HHIPL1: variants seen among roughly 807,000 people sequenced by gnomAD.
HHIPL1 encodes HHIP like 1, also known as HHIP-like protein 1.
In HHIPL1, 43 loss-of-function variants were observed where a neutral mutation model predicts 61.8. The observed-to-expected ratio is 0.70, with a 90% confidence interval of 0.55 to 0.90. HHIPL1 has a LOEUF of 0.90. HHIPL1 is among the 40% of genes least tolerant of loss of function. The pLI is 0.00. For synonymous variants in HHIPL1, 482 were observed against 515.8 expected, an observed-to-expected ratio of 0.93 and a Z score of 0.89; for missense variants, 1,056 against 1,157.7, an observed-to-expected ratio of 0.91 and a Z score of 1.28.
In HHIPL1 at chr14:99,678,435, C is replaced by T. The variant is rs759233163; in HGVS notation, c.*2809C>T. On this transcript the variant is annotated 3_prime_UTR_variant, in exon 9 of 9. Transcript: ENST00000330710. ...TACTTTCTGCAGAAAGGGTGCTCAT[C>T]GCAGATGGAACAATAGTGAGAGGAC... 4.6e-5 allele frequency: 7 copies of T among 152,198 alleles called. No homozygotes were observed. Among genetic ancestry groups the T allele is most frequent in the Non-Finnish European group, 7.3e-5 (5 of 68,042 alleles). The allele number at this position is 152,198 out of a possible 1,614,324, so 9.4% of individuals were successfully genotyped here. A position where few individuals can be genotyped will look rare whatever the true frequency, so the allele number is the denominator to read the frequency against.
chr14:99,657,403 G>T (rs1292134426), intron 3 of HHIPL1, among the ~76,000 whole-genome samples: 1 of 152,186 alleles, frequency 6.6e-6, no homozygotes, highest in African/African-American at 2.4e-5. Flanking sequence ...CCTGGCACAG[G>T]ACCCTCTGGG....
chr14:99,626,267 G>GGTGTGTGTGTGTGT, the HHIPL1 span, among the ~76,000 whole-genome samples: 4 of 147,490 alleles, frequency 2.7e-5, no homozygotes, highest in African/African-American at 1.0e-4. Flanking sequence ...GGTGTAGCGG[G>GGTGTGTGTGTGTGT]GTGTGTGTGT....
rs193045712 is a variant in HHIPL1, at chr14:99,660,075, G to A, written c.1376-205G>A. Among the ~76,000 whole-genome samples, 10 of 151,382 alleles carry A rather than the reference G, an allele frequency of 6.6e-5. No individual in the cohort carries two copies. Among genetic ancestry groups the A allele is most frequent in the African/African-American group, 2.4e-4 (10 of 41,180 alleles). On this transcript the variant is annotated intron_variant, in intron 4 of 8. Transcript: ENST00000330710. This position sits in a 1 kb window ranked among gnomAD's most constrained non-coding sequence, Gnocchi z 4.9. ...GGAGGCCTCCCAGCAGCGCTCTTGA[G>A]TTCTTCCTCGCTCCATCCCCACCTG...
chr14:99,623,455 C>G, the HHIPL1 span, among the ~76,000 whole-genome samples: 1 of 152,180 alleles, frequency 6.6e-6, no homozygotes, highest in Non-Finnish European at 1.5e-5. Flanking sequence ...GCTCTGTCCC[C>G]CAGGCTGGAG....
At chr14:99,646,516 T>C (rs904320865) in intron 1 of HHIPL1, among the ~76,000 whole-genome samples, 1 of 152,228 alleles carries the variant, frequency 6.6e-6, no homozygotes, top group African/African-American at 2.4e-5. Context: ...GGCTTATGCC[T>C]GTAATCCCAG....
the HHIPL1 span, among the ~76,000 whole-genome samples, chr14:99,626,267 GGT>G: frequency 6.8e-6 from 1 of 147,488 alleles, no homozygotes; most frequent in African/African-American, 2.5e-5. Context: ...GGTGTAGCGG[GGT>G]GTGTGTGTGT....
At chr14:99,615,604 G>GGAAAGGAAGGAA in the HHIPL1 span, among the ~76,000 whole-genome samples, 1 of 139,902 alleles carries the variant, frequency 7.1e-6, no homozygotes, top group African/African-American at 2.7e-5. Flanking sequence ...GAGAGAGAGA[G>GGAAAGGAAGGAA]GAAAGGAAGG....
chr14:99,618,887 C>A, the HHIPL1 span, among the ~76,000 whole-genome samples: 1 of 152,232 alleles, frequency 6.6e-6, no homozygotes, highest in Non-Finnish European at 1.5e-5. Flanking sequence ...CTCCTCTCTA[C>A]AGAGCCCAGA....
chr14:99,635,135 G>C, the HHIPL1 span, among the ~76,000 whole-genome samples: 1 of 152,040 alleles, frequency 6.6e-6, no homozygotes, highest in African/African-American at 2.4e-5. Flanking sequence ...AGGTAGAGTT[G>C]GGGTCTGCAG....
chr14:99,660,227 A>T lies in HHIPL1; in HGVS notation c.1376-53A>T. 1 of 1,606,008 alleles carries T rather than the reference A, an allele frequency of 6.2e-7. No individual in the cohort carries two copies. Among genetic ancestry groups the T allele is most frequent in the Non-Finnish European group, 8.5e-7 (1 of 1,176,060 alleles). On this transcript the variant is annotated intron_variant, in intron 4 of 8. Coordinates refer to ENST00000330710, the MANE Select transcript of HHIPL1 (RefSeq NM_001127258.3). This position sits in a 1 kb window ranked among gnomAD's most constrained non-coding sequence, Gnocchi z 4.9. ...AATCCCTCCGGAATTCTCCTGGCTG[A>T]TGAACCTTCCCGCCGCTGGCTCACC...
the HHIPL1 span, among the ~76,000 whole-genome samples, chr14:99,637,057 AGG>A: frequency 2.2e-5 from 3 of 137,554 alleles, no homozygotes; most frequent in Non-Finnish European, 3.1e-5. Context: ...GAAGGAAGGA[AGG>A]AAAAAAGAAA....
At chr14:99,608,912 G>A in the HHIPL1 span, among the ~76,000 whole-genome samples, 3 of 152,222 alleles carry the variant, frequency 2.0e-5, no homozygotes, top group South Asian at 6.2e-4. Flanking sequence ...GCTCCAGAGT[G>A]TATCTGACCC....
At chr14:99,621,121 CAG>C in the HHIPL1 span, among the ~76,000 whole-genome samples, 5 of 152,118 alleles carry the variant, frequency 3.3e-5, no homozygotes, top group East Asian at 9.7e-4. Flanking sequence ...TTTTTTGAAA[CAG>C]GGTCTTTTTC....
chr14:99,629,767 T>G, the HHIPL1 span, among the ~76,000 whole-genome samples: 4 of 152,196 alleles, frequency 2.6e-5, no homozygotes, highest in Non-Finnish European at 2.9e-5. Flanking sequence ...CCTCCCGAAG[T>G]GCTGGGATTA....
At chr14:99,631,106 T>TTCTTTCTCTC in the HHIPL1 span, among the ~76,000 whole-genome samples, 3 of 121,452 alleles carry the variant, frequency 2.5e-5, no homozygotes, top group African/African-American at 9.3e-5. Flanking sequence ...CTTTCTTTCT[T>TTCTTTCTCTC]TCTCTCTCTT....
chr14:99,625,181 GC>G, the HHIPL1 span: 1 of 152,196 alleles, frequency 6.6e-6, no homozygotes, highest in African/African-American at 2.4e-5. Context: ...GCCATCCCAA[GC>G]CGGGTTGGCC....
chr14:99,659,637 A>G lies in HHIPL1; in HGVS notation c.1256A>G (p.Asp419Gly). Residue 419 changes from aspartate to glycine, a missense_variant, in exon 4 of 9, where the codon GAC (aspartate) becomes GGC (glycine). By Grantham distance (94) the Asp-to-Gly change is moderately conservative. Transcript: ENST00000330710. The part of the protein sequence containing the change: ...GTGRGRLFCG[D>G]VGQNKFEEVD... The stretch of plus-strand genomic sequence containing the variant: ...GGCCGCGGGCGCCTCTTCTGCGGCG[A>G]CGTGGGCCAGAACAAGTTCGAGGAG... The G allele has an allele frequency of 6.4e-7, 1 of 1,553,742 alleles. No homozygotes were observed. The highest frequency in any genetic ancestry group is 8.7e-7 in the Non-Finnish European group (1 of 1,155,002).
the HHIPL1 span, among the ~76,000 whole-genome samples, chr14:99,633,235 A>G: frequency 6.6e-6 from 1 of 152,180 alleles, no homozygotes; most frequent in Admixed American, 6.5e-5. Context: ...CCCCTGCAAG[A>G]CCCTGCAGCC....
In HHIPL1 at chr14:99,679,770, C is replaced by G. The variant is rs145743843; in HGVS notation, c.*4144C>G. ...AGAAAGCTCAGTTCGAGGCTGGTGG[C>G]ATCCATGCTGGCAGCAGCCAACTGT... On this transcript the variant is annotated 3_prime_UTR_variant, in exon 9 of 9. Transcript: ENST00000330710. 6.6e-6 allele frequency: 1 copy of G among 152,388 alleles called. No homozygotes were observed. The highest frequency in any genetic ancestry group is 1.5e-5 in the Non-Finnish European group (1 of 68,042). The allele number at this position is 152,388 out of a possible 1,614,324, so 9.4% of individuals were successfully genotyped here.
Sources: gnomAD v4.1 joint callset for allele counts (sites outside exome capture counted in the v4.1 genomes callset) on GRCh38, gnomAD v4.1.1 for gene constraint, Gnocchi (gnomAD v3.1) non-coding constraint, MANE v1.5 for transcripts, NCBI Gene and HGNC (gene_info 2026-07-23, HGNC 2026-07-21) for gene names.